The following CRIM1 variants were observed in gnomAD, a reference collection of about 807,000 sequenced individuals.
CRIM1 encodes the protein cysteine rich transmembrane BMP regulator 1, also known as cysteine-rich motor neuron 1 protein.
CRIM1 carries 32 observed loss-of-function variants against 116.4 expected under a neutral mutation model. The observed-to-expected ratio is 0.27, with a 90% CI of 0.21 to 0.37. The LOEUF (loss-of-function observed/expected upper bound fraction) is 0.37, where lower values mean the gene tolerates loss of function less well. CRIM1 is among the 10% of genes least tolerant of loss of function. CRIM1 has a pLI of 1.00. For synonymous variants in CRIM1, 590 were observed against 509.2 expected, an observed-to-expected ratio of 1.16 and a Z score of -2.13; for missense variants, 1,331 against 1,354.8, an observed-to-expected ratio of 0.98 and a Z score of 0.28.
At chr2:36,395,163 C>T (rs188104836) in intron 1 of CRIM1, among the ~76,000 whole-genome samples, 7 of 152,118 alleles carry the variant, frequency 4.6e-5, no homozygotes, top group African/African-American at 1.2e-4. Flanking sequence ...CACAGGCATG[C>T]GCCACCATGT....
intron 8 of CRIM1, among the ~76,000 whole-genome samples, chr2:36,500,852 T>C (rs1294030773): frequency 2.0e-5 from 3 of 152,224 alleles, no homozygotes; most frequent in African/African-American, 4.8e-5. Flanking sequence ...TTCGCCCGTA[T>C]CTTGTCTGAA....
chr2:36,442,559 C>T (rs1675931227), intron 3 of CRIM1, 56 bp from the exon 4 acceptor site: 2 of 1,608,242 alleles, frequency 1.2e-6, no homozygotes, highest in Admixed American at 3.3e-5. Flanking sequence ...CATTTAGGGA[C>T]TCCAAAAGCA....
chr2:36,391,281 A>G (rs1671573567), intron 1 of CRIM1, among the ~76,000 whole-genome samples: 1 of 151,406 alleles, frequency 6.6e-6, no homozygotes, highest in South Asian at 2.1e-4. Flanking sequence ...GGCGCCCGCC[A>G]CCACGCCAGC....
chr2:36,534,731 TGGAA>T (rs923751204), intron 13 of CRIM1, among the ~76,000 whole-genome samples: 37 of 131,374 alleles, frequency 2.8e-4, no homozygotes, highest in Admixed American at 3.8e-4. Flanking sequence ...AAAAGGAAGA[TGGAA>T]GGAAGGAAGG....
chr2:36,533,579 G>A (rs1009580339), intron 13 of CRIM1, among the ~76,000 whole-genome samples: 9 of 152,138 alleles, frequency 5.9e-5, no homozygotes, highest in African/African-American at 2.2e-4. Flanking sequence ...GGGCAACAGA[G>A]TGAGACCCTG....
chr2:36,444,943 T>G (rs2124947583), intron 4 of CRIM1, among the ~76,000 whole-genome samples: 1 of 152,332 alleles, frequency 6.6e-6, no homozygotes, highest in African/African-American at 2.4e-5. Flanking sequence ...TGCTCCCTTG[T>G]CATCCATCCC....
chr2:36,547,424 G>A (rs1356521853), intron 16 of CRIM1, among the ~76,000 whole-genome samples: 1 of 152,122 alleles, frequency 6.6e-6, no homozygotes. Context: ...TTTTCTCGAT[G>A]TACTCTGAAG....
At chr2:36,479,823 C>T in intron 7 of CRIM1, 129 bp downstream of exon 7, 3 of 815,750 alleles carry the variant, frequency 3.7e-6, no homozygotes, top group Non-Finnish European at 6.0e-6. Flanking sequence ...CAGTTGCCAA[C>T]AAATTTATCA....
chr2:36,442,343 C>T (rs1423868542), intron 3 of CRIM1, among the ~76,000 whole-genome samples: 1 of 152,044 alleles, frequency 6.6e-6, no homozygotes, highest in Non-Finnish European at 1.5e-5. Context: ...CTCTGGCTAA[C>T]TGTCACTATC....
In CRIM1 at chr2:36,356,574, C is replaced by G. The variant is rs982720352; in HGVS notation, c.282C>G (p.Pro94=). Residue 94 remains proline, a synonymous_variant, in exon 1 of 17, where the codon CCC becomes CCG. Transcript: ENST00000280527. This position sits in a 1 kb window ranked among gnomAD's most constrained non-coding sequence, Gnocchi z 4.3. ...CDRGLRCVIR[P]PLNGDSLTEY... ...GGGGGCTGCGTTGTGTCATCCGCCC[C>G]CCGCTCAATGGCGACTCCCTCACCG... 2.5e-6 allele frequency: 4 copies of G among 1,612,134 alleles called. No homozygotes were observed. The highest frequency in any genetic ancestry group is 2.7e-5 in the African/African-American group (2 of 74,916).
At chr2:36,512,421 C>T (rs766890526) in intron 10 of CRIM1, 27 bp downstream of exon 10, 8 of 1,576,430 alleles carry the variant, frequency 5.1e-6, no homozygotes, top group Non-Finnish European at 6.1e-6. Flanking sequence ...GGCCCTTCCC[C>T]CTCAAAGCAG....
At position 36,470,588 on chromosome 2, in the gene CRIM1, T is replaced by G. The variant is rs111302111; in HGVS notation, c.991+5933T>G. Reference sequence around the variant, plus strand: ...CTGGATGACAGCATGGTTTATTGATTATTTTAAGCCCACCATTGAGACCTA... The same window carrying G: ...CTGGATGACAGCATGGTTTATTGATGATTTTAAGCCCACCATTGAGACCTA... On this transcript the variant is annotated intron_variant, in intron 5 of 16. Transcript: ENST00000280527. 8.8e-3 allele frequency among the ~76,000 whole-genome samples: 1,347 copies of G among 152,330 alleles called. 13 individuals are homozygous for G. Among genetic ancestry groups the G allele is most frequent in the Non-Finnish European group, 0.014 (986 of 68,034 alleles).
chr2:36,454,729 G>A (rs1454868288), intron 4 of CRIM1, among the ~76,000 whole-genome samples: 1 of 152,076 alleles, frequency 6.6e-6, no homozygotes, highest in Non-Finnish European at 1.5e-5. Flanking sequence ...CTTCTCTTGA[G>A]TACATGGAAG....
chr2:36,513,629 TGAG>T lies in CRIM1; in HGVS notation c.1858_1860del (p.Glu620del). 1.2e-6 allele frequency: 2 copies of T among 1,614,152 alleles called. No homozygotes were observed. The highest frequency in any genetic ancestry group is 1.1e-5 in the South Asian group (1 of 91,074). ...CCGTGGATGGTCATCATCATAAAAA[TGAG>T]GAGAGCTGGCACGATGGGTGCCGGG... On this transcript the variant is annotated inframe_deletion, in exon 11 of 17. Coordinates refer to ENST00000280527, the MANE Select transcript of CRIM1 (RefSeq NM_016441.3).
rs371922115 is a variant in CRIM1 at position 36,447,811 on chromosome 2, T to A, written c.869+5076T>A. ...AAGATAGATGCCCTTTAGTTTTCAT[T>A]TTCTGATTGCAGGAATTTGGTGGTG... On this transcript the variant is annotated intron_variant, in intron 4 of 16. Transcript: ENST00000280527. Among the ~76,000 whole-genome samples the A allele has an allele frequency of 3.9e-5, 6 of 152,338 alleles. No individual in the cohort carries two copies. The East Asian group carries it at 1.2e-3, about 29-fold the overall frequency.
intron 12 of CRIM1, among the ~76,000 whole-genome samples, chr2:36,519,462 G>A (rs998687759): frequency 1.1e-4 from 16 of 151,974 alleles, no homozygotes; most frequent in Admixed American, 5.2e-4. Flanking sequence ...TTCATTCATC[G>A]TTGTATTGAG....
chr2:36,478,664 A>G (rs900656508), intron 6 of CRIM1, among the ~76,000 whole-genome samples: 8 of 152,164 alleles, frequency 5.3e-5, no homozygotes, highest in Non-Finnish European at 1.0e-4. Flanking sequence ...ATGATGACCA[A>G]ACTCTATGAA....
chr2:36,515,191 A>T (rs1418931179), intron 11 of CRIM1, among the ~76,000 whole-genome samples: 2 of 152,222 alleles, frequency 1.3e-5, no homozygotes, highest in African/African-American at 4.8e-5. Flanking sequence ...GGTCTTTGCT[A>T]AACATGTCCT....
At chr2:36,541,580 C>T (rs1486274617) in intron 14 of CRIM1, among the ~76,000 whole-genome samples, 1 of 152,186 alleles carries the variant, frequency 6.6e-6, no homozygotes, top group African/African-American at 2.4e-5. Context: ...AAGCACCTCG[C>T]CCCGTATTCC....
Sources: allele counts gnomAD v4.1 joint callset (sites outside exome capture counted in the v4.1 genomes callset), GRCh38; gene constraint gnomAD v4.1.1; non-coding constraint Gnocchi (gnomAD v3.1); transcripts MANE v1.5; gene names NCBI Gene and HGNC (gene_info 2026-07-23, HGNC 2026-07-21).